The following ANGPT1 variants were observed in gnomAD, a reference collection of about 807,000 sequenced individuals.
ANGPT1 encodes angiopoietin 1, also known as angiopoietin-1.
In ANGPT1, 17 loss-of-function variants were observed where a neutral mutation model predicts 62.2. The observed-to-expected ratio is 0.27, with a 90% CI of 0.19 to 0.41. ANGPT1 has a LOEUF of 0.41. ANGPT1 is among the 10% of genes least tolerant of loss of function. The pLI is 1.00. For synonymous variants in ANGPT1, 199 were observed against 198.9 expected (o/e 1.00, Z 0.00); for missense variants, 478 against 594.9 (o/e 0.80, Z 2.04).
chr8:107,340,737 G>A (rs918136069), intron 2 of ANGPT1, among the ~76,000 whole-genome samples: 1 of 150,290 alleles, frequency 6.7e-6, no homozygotes, highest in Admixed American at 6.7e-5. Context: ...CAAGCAATCT[G>A]CCCACCTCAG....
At chr8:107,437,743 A>G (rs1395265084) in intron 1 of ANGPT1, among the ~76,000 whole-genome samples, 1 of 152,220 alleles carries the variant, frequency 6.6e-6, no homozygotes, top group Non-Finnish European at 1.5e-5. Flanking sequence ...CTCATCAGGA[A>G]TCATAGATGA....
intron 7 of ANGPT1, among the ~76,000 whole-genome samples, chr8:107,272,612 G>A (rs1813762823): frequency 2.6e-5 from 4 of 151,750 alleles, no homozygotes. Context: ...CATGAAGCTT[G>A]CATATGCTCA....
chr8:107,323,946 A>T (rs1396759268), intron 3 of ANGPT1, among the ~76,000 whole-genome samples: 3 of 151,512 alleles, frequency 2.0e-5, no homozygotes, highest in African/African-American at 7.3e-5. Context: ...TGCCCAGCTA[A>T]TTTTTTGTAT....
At chr8:107,290,803 T>C (rs532061455) in intron 6 of ANGPT1, among the ~76,000 whole-genome samples, 13 of 152,272 alleles carry the variant, frequency 8.5e-5, no homozygotes, top group African/African-American at 2.9e-4. Flanking sequence ...CCATAAAACA[T>C]GATGATTAAA....
intron 1 of ANGPT1, among the ~76,000 whole-genome samples, chr8:107,466,860 A>G (rs1412517433): frequency 1.3e-5 from 2 of 151,928 alleles, no homozygotes; most frequent in Non-Finnish European, 2.9e-5. Flanking sequence ...TGCAGTGAGC[A>G]GCAACTATGC....
At position 107,401,663 on chromosome 8, in the gene ANGPT1, C is replaced by T. The variant is rs1817049799; in HGVS notation, c.298-54566G>A. 2.6e-5 allele frequency among the ~76,000 whole-genome samples: 4 copies of T among 152,298 alleles called. No homozygotes were observed. In the South Asian group the frequency reaches 8.3e-4, roughly 32 times the overall value. On this transcript the variant is annotated intron_variant, in intron 1 of 8. Transcript: ENST00000517746. Reference sequence around the variant, plus strand: ...TAAAACTTCCATTAAGTTCAACTGTCCTTTGATGCAGGATTATTTTATTTG... The same window carrying T: ...TAAAACTTCCATTAAGTTCAACTGTTCTTTGATGCAGGATTATTTTATTTG...
At chr8:107,369,946 T>C (rs1382880933) in intron 1 of ANGPT1, among the ~76,000 whole-genome samples, 1 of 151,932 alleles carries the variant, frequency 6.6e-6, no homozygotes, top group Non-Finnish European at 1.5e-5. Context: ...AAGATCAGCC[T>C]GGGCAATATA....
At chr8:107,416,037 T>C (rs1406640450) in intron 1 of ANGPT1, among the ~76,000 whole-genome samples, 5 of 152,176 alleles carry the variant, frequency 3.3e-5, no homozygotes, top group African/African-American at 4.8e-5. Context: ...TTTTCTCTGC[T>C]GTCAAACTAC....
chr8:107,396,181 A>C (rs4268102), intron 1 of ANGPT1, among the ~76,000 whole-genome samples: 46,493 of 151,996 alleles, frequency 0.31, 8,223 homozygotes, highest in East Asian at 0.58. Context: ...TACTTTGGTA[A>C]CATGACAAGA....
intron 8 of ANGPT1, 149 bp from the exon 9 acceptor site, chr8:107,252,164 C>G: frequency 2.5e-6 from 2 of 787,866 alleles, no homozygotes; most frequent in Non-Finnish European, 4.0e-6. Context: ...TAAATATATT[C>G]CCAGTAGTGA....
chr8:107,284,598 ATTTC>A, intron 7 of ANGPT1, 80 bp downstream of exon 7: 1 of 1,215,798 alleles, frequency 8.2e-7, no homozygotes, highest in Non-Finnish European at 1.1e-6. Flanking sequence ...GATGATTTTC[ATTTC>A]TTTTTTTCAT....
At chr8:107,472,340 G>T (rs2130500398) in intron 1 of ANGPT1, among the ~76,000 whole-genome samples, 1 of 152,082 alleles carries the variant, frequency 6.6e-6, no homozygotes, top group East Asian at 1.9e-4. Flanking sequence ...ACCACTATGA[G>T]CCATCCACAC....
intron 1 of ANGPT1, among the ~76,000 whole-genome samples, chr8:107,444,923 T>A (rs1032875738): frequency 5.9e-5 from 9 of 152,202 alleles, no homozygotes; most frequent in Admixed American, 3.3e-4. Flanking sequence ...AAATTCAGCA[T>A]GGCAAAAGGA....
intron 3 of ANGPT1, among the ~76,000 whole-genome samples, chr8:107,335,299 T>C: frequency 6.6e-6 from 1 of 152,184 alleles, no homozygotes; most frequent in Non-Finnish European, 1.5e-5. Flanking sequence ...ACCAATTCAA[T>C]GGCATTTAAC....
chr8:107,310,655 C>A (rs984082628), intron 4 of ANGPT1, among the ~76,000 whole-genome samples: 4 of 152,116 alleles, frequency 2.6e-5, no homozygotes, highest in Non-Finnish European at 5.9e-5. Flanking sequence ...GAGATGAAAA[C>A]CCTCAGCAGA....
At chr8:107,258,176 C>T (rs1034704707) in intron 8 of ANGPT1, among the ~76,000 whole-genome samples, 9 of 152,078 alleles carry the variant, frequency 5.9e-5, no homozygotes, top group Non-Finnish European at 1.0e-4. Context: ...AGAGCTCTGT[C>T]ATTCTCTTTG....
intron 5 of ANGPT1, among the ~76,000 whole-genome samples, chr8:107,301,106 T>C (rs1451723609): frequency 1.3e-5 from 2 of 151,904 alleles, no homozygotes; most frequent in Admixed American, 6.6e-5. Context: ...AAGCTGTATT[T>C]GTACTGCACC....
chr8:107,268,047 T>C (rs898720344), intron 7 of ANGPT1, among the ~76,000 whole-genome samples: 1 of 152,082 alleles, frequency 6.6e-6, no homozygotes, highest in Non-Finnish European at 1.5e-5. Context: ...ATTTTAATTG[T>C]CTTTTCACTT....
intron 6 of ANGPT1, among the ~76,000 whole-genome samples, chr8:107,291,901 G>A (rs1012671735): frequency 7.0e-6 from 1 of 142,242 alleles, no homozygotes; most frequent in Non-Finnish European, 1.5e-5. Flanking sequence ...TGGGGGGGGG[G>A]GGGGGCTTGC....
Sources: allele counts gnomAD v4.1 joint callset (sites outside exome capture counted in the v4.1 genomes callset), GRCh38; gene constraint gnomAD v4.1.1; transcripts MANE v1.5; gene names NCBI Gene and HGNC (gene_info 2026-07-23, HGNC 2026-07-21).